Variants in BBS9 observed in about 807,000 individuals in gnomAD.
BBS9 encodes the protein Bardet-Biedl syndrome 9.
Under a neutral mutation model 117.7 loss-of-function variants are expected in BBS9, and 89 were observed. The observed-to-expected ratio is 0.76, with a 90% CI of 0.64 to 0.90. BBS9 has a LOEUF of 0.90. BBS9 is among the 40% of genes least tolerant of loss of function. BBS9 has a pLI of 0.00. For missense variants in BBS9, 982 were observed against 1,042.2 expected, an observed-to-expected ratio of 0.94 and a Z score of 0.80; for synonymous variants, 379 against 370.9, an observed-to-expected ratio of 1.02 and a Z score of -0.25.
At chr7:33,482,802 G>A (rs1474659947) in intron 19 of BBS9, among the ~76,000 whole-genome samples, 1 of 152,104 alleles carries the variant, frequency 6.6e-6, no homozygotes, top group Non-Finnish European at 1.5e-5. Flanking sequence ...TCCTCCTGTT[G>A]TTCTGGCCAT....
chr7:33,338,520 T>G (rs966172614), intron 10 of BBS9, among the ~76,000 whole-genome samples: 1 of 152,306 alleles, frequency 6.6e-6, no homozygotes. Flanking sequence ...CTTAAAGCTT[T>G]TAAAAGTGTT....
At chr7:33,165,955 C>T (rs1014585437) in intron 4 of BBS9, among the ~76,000 whole-genome samples, 6 of 152,194 alleles carry the variant, frequency 3.9e-5, no homozygotes, top group African/African-American at 7.2e-5. Context: ...GCTCTGGTTT[C>T]TCCCCATCTT....
chr7:33,258,114 G>T (rs1414409763), intron 6 of BBS9, among the ~76,000 whole-genome samples: 1 of 152,192 alleles, frequency 6.6e-6, no homozygotes, highest in African/African-American at 2.4e-5. Flanking sequence ...TATTGGCAGA[G>T]AGAATGGGGA....
intron 5 of BBS9, among the ~76,000 whole-genome samples, chr7:33,195,837 C>T (rs903854357): frequency 6.6e-6 from 1 of 151,760 alleles, no homozygotes; most frequent in Non-Finnish European, 1.5e-5. Flanking sequence ...AGAATTTTTA[C>T]CAAGGAAAAT....
chr7:33,434,931 TTAAAG>T (rs1835077712), intron 19 of BBS9, among the ~76,000 whole-genome samples: 1 of 152,114 alleles, frequency 6.6e-6, no homozygotes, highest in Non-Finnish European at 1.5e-5. Context: ...AATGTTTAAA[TTAAAG>T]TATTGTGACT....
chr7:33,533,345 AT>A (rs1850871566), intron 20 of BBS9, among the ~76,000 whole-genome samples: 1 of 152,162 alleles, frequency 6.6e-6, no homozygotes, highest in African/African-American at 2.4e-5. Context: ...CCTGTGGGTC[AT>A]TTACCGTCAC....
chr7:33,528,085 ATCT>A (rs759082871), intron 20 of BBS9, among the ~76,000 whole-genome samples: 8 of 152,218 alleles, frequency 5.3e-5, no homozygotes, highest in Non-Finnish European at 1.0e-4. Context: ...AATAACCATA[ATCT>A]TCTGTGGATC....
chr7:33,282,884 T>A (rs1166013178), intron 9 of BBS9, among the ~76,000 whole-genome samples: 1 of 152,248 alleles, frequency 6.6e-6, no homozygotes, highest in Non-Finnish European at 1.5e-5. Context: ...TAGTGTCTAT[T>A]GACTTCCTAT....
chr7:33,226,946 A>G (rs1376563061), intron 5 of BBS9, among the ~76,000 whole-genome samples: 1 of 152,138 alleles, frequency 6.6e-6, no homozygotes, highest in Non-Finnish European at 1.5e-5. Context: ...GAAAGATGAA[A>G]AAGTTATGGA....
chr7:33,415,287 A>G (rs753877717), intron 19 of BBS9, among the ~76,000 whole-genome samples: 43 of 152,228 alleles, frequency 2.8e-4, no homozygotes, highest in Non-Finnish European at 6.0e-4. Flanking sequence ...GCTAATAGAA[A>G]TACAAACTGA....
intron 19 of BBS9, among the ~76,000 whole-genome samples, chr7:33,423,699 C>T (rs1308668680): frequency 6.6e-6 from 1 of 152,264 alleles, no homozygotes; most frequent in Non-Finnish European, 1.5e-5. Context: ...CAGGACATTT[C>T]GAGACCAAAT....
intron 14 of BBS9, 122 bp from the exon 15 acceptor site, chr7:33,352,737 A>T: frequency 8.8e-7 from 1 of 1,138,610 alleles, no homozygotes; most frequent in Non-Finnish European, 1.3e-6. Flanking sequence ...ATCTGTGAGA[A>T]TCTTGAAATT....
chr7:33,408,319 G>A (rs1243821827), intron 19 of BBS9, among the ~76,000 whole-genome samples: 1 of 152,166 alleles, frequency 6.6e-6, no homozygotes, highest in Non-Finnish European at 1.5e-5. Flanking sequence ...GGAGTGGCCT[G>A]ATTTTCCAGG....
chr7:33,496,409 G>A (rs1171563103), intron 19 of BBS9, among the ~76,000 whole-genome samples: 1 of 151,940 alleles, frequency 6.6e-6, no homozygotes, highest in Non-Finnish European at 1.5e-5. Context: ...GGAGGCTGAG[G>A]CAGGAGAATC....
At chr7:33,521,911 C>A (rs1380536973) in intron 20 of BBS9, among the ~76,000 whole-genome samples, 5 of 122,726 alleles carry the variant, frequency 4.1e-5, no homozygotes, top group East Asian at 2.8e-4. Flanking sequence ...CCCACCCCAC[C>A]ACAGTCCCCA....
chr7:33,195,398 A>G (rs1389935696), intron 5 of BBS9, among the ~76,000 whole-genome samples: 1 of 152,176 alleles, frequency 6.6e-6, no homozygotes, highest in Non-Finnish European at 1.5e-5. Flanking sequence ...AGTATCTATT[A>G]CAAGGCATGG....
At chr7:33,622,794 A>G (rs1288006790) in intron 21 of BBS9, among the ~76,000 whole-genome samples, 1 of 152,234 alleles carries the variant, frequency 6.6e-6, no homozygotes, top group Non-Finnish European at 1.5e-5. Flanking sequence ...TCCAAATATG[A>G]CAGAGATAAT....
chr7:33,439,139 C>T (rs574806709), intron 19 of BBS9, among the ~76,000 whole-genome samples: 28 of 152,258 alleles, frequency 1.8e-4, no homozygotes, highest in African/African-American at 6.5e-4. Flanking sequence ...CATGCTAGGC[C>T]GGGCCCTAGT....
At chr7:33,401,321 T>C (rs888161169) in intron 19 of BBS9, among the ~76,000 whole-genome samples, 2 of 152,204 alleles carry the variant, frequency 1.3e-5, no homozygotes, top group Non-Finnish European at 2.9e-5. Context: ...GGTAAAAGTA[T>C]TTGAGAGGAT....
Sources: gnomAD v4.1 joint callset for allele counts (sites outside exome capture counted in the v4.1 genomes callset) on GRCh38, gnomAD v4.1.1 for gene constraint, MANE v1.5 for transcripts, NCBI Gene and HGNC (gene_info 2026-07-23, HGNC 2026-07-21) for gene names.